Variants in SYBU observed in about 807,000 individuals in gnomAD.
SYBU encodes the protein syntabulin.
Under a neutral mutation model 35.9 loss-of-function variants are expected in SYBU, and 21 were observed. The observed-to-expected ratio is 0.58, with a 90% CI of 0.41 to 0.84. SYBU has a LOEUF of 0.84. Ranked by LOEUF, SYBU falls within the 40% of genes least tolerant of loss-of-function variation. SYBU has a pLI of 0.00. For synonymous variants in SYBU, 319 were observed against 324.3 expected (o/e 0.98, Z 0.18); for missense variants, 768 against 848.2 (o/e 0.91, Z 1.17).
At chr8:109,687,516 CA>C (rs766440188) in intron 1 of SYBU, among the ~76,000 whole-genome samples, 1 of 152,012 alleles carries the variant, frequency 6.6e-6, no homozygotes, top group Non-Finnish European at 1.5e-5. Context: ...TTCTGATTTT[CA>C]AAAGCCAGAG....
chr8:109,589,923 C>T (rs1164247847), intron 3 of SYBU, among the ~76,000 whole-genome samples: 2 of 152,016 alleles, frequency 1.3e-5, no homozygotes, highest in African/African-American at 2.4e-5. Context: ...TTAAGTAACC[C>T]CAAGCCCTCT....
At position 109,644,734 on chromosome 8, in the gene SYBU, G is replaced by C. The variant is rs1442368849; in HGVS notation, c.-75C>G. 2 of 1,389,826 alleles carry C rather than the reference G, an allele frequency of 1.4e-6. No homozygotes were observed. Among genetic ancestry groups the C allele is most frequent in the Non-Finnish European group, 9.3e-7 (1 of 1,071,314 alleles). 86.1% of individuals were successfully genotyped at this position (1,389,826 alleles called of 1,614,324 possible). Reference sequence around the variant, plus strand: ...GGAGGCACCTGCGAGCACGGAGCGAGGAGACTGCGCTGAGCCGGCGCGGGC... The same window carrying C: ...GGAGGCACCTGCGAGCACGGAGCGACGAGACTGCGCTGAGCCGGCGCGGGC... On this transcript the variant is annotated 5_prime_UTR_variant, in exon 1 of 7. Coordinates refer to ENST00000276646, the MANE Select transcript of SYBU (RefSeq NM_001099754.2).
intron 3 of SYBU, among the ~76,000 whole-genome samples, chr8:109,615,997 C>CTTTTTTTT (rs144362049): frequency 1.0e-5 from 1 of 96,048 alleles, no homozygotes; most frequent in South Asian, 4.3e-4. Context: ...CTTTTCTTTT[C>CTTTTTTTT]TTTTCTTTCT....
At chr8:109,628,487 A>T (rs1436166878) in intron 2 of SYBU, among the ~76,000 whole-genome samples, 2 of 152,032 alleles carry the variant, frequency 1.3e-5, no homozygotes, top group Non-Finnish European at 2.9e-5. Context: ...TGTGTGCCAC[A>T]ACAGCTGGCT....
intron 1 of SYBU, among the ~76,000 whole-genome samples, chr8:109,657,209 A>G (rs1386314956): frequency 6.6e-6 from 1 of 152,172 alleles, no homozygotes; most frequent in Non-Finnish European, 1.5e-5. Context: ...ACGGTAGAAA[A>G]TGTACTCATT....
chr8:109,588,382 G>A (rs1823860032), intron 3 of SYBU, among the ~76,000 whole-genome samples: 1 of 152,168 alleles, frequency 6.6e-6, no homozygotes, highest in Admixed American at 6.5e-5. Context: ...TGACTTTTAT[G>A]TATTTGCAGG....
At position 109,644,791 on chromosome 8, in the gene SYBU, GCGCCGC is replaced by G; in HGVS notation, c.-138_-133del. 1 of 907,468 alleles carries G rather than the reference GCGCCGC, an allele frequency of 1.1e-6. No individual in the cohort carries two copies. Among genetic ancestry groups the G allele is most frequent in the Non-Finnish European group, 1.5e-6 (1 of 669,306 alleles). 56.2% of individuals were successfully genotyped at this position (907,468 alleles called of 1,614,324 possible). On this transcript the variant is annotated 5_prime_UTR_variant, in exon 1 of 7. Transcript: ENST00000276646. ...CGGCGGCTCTTGGTGAGGCTCCAAC[GCGCCGC>G]CGCCGCCACTGCCGCCGATTGCTCT... is the stretch of plus-strand genomic sequence containing the variant.
chr8:109,654,401 G>A (rs142249102), intron 1 of SYBU, among the ~76,000 whole-genome samples: 17 of 152,148 alleles, frequency 1.1e-4, no homozygotes, highest in South Asian at 6.2e-4. Flanking sequence ...TGAAATACTC[G>A]CACATTTTTG....
intron 2 of SYBU, among the ~76,000 whole-genome samples, chr8:109,633,574 G>A (rs536193727): frequency 3.3e-5 from 5 of 152,154 alleles, no homozygotes; most frequent in African/African-American, 7.2e-5. Flanking sequence ...AGCAGTGGCC[G>A]GGGCACCAGG....
intron 3 of SYBU, among the ~76,000 whole-genome samples, chr8:109,600,083 A>C (rs545232157): frequency 6.6e-6 from 1 of 152,274 alleles, no homozygotes; most frequent in Non-Finnish European, 1.5e-5. Context: ...AGTATTTATC[A>C]CATTGCACTG....
At position 109,579,964 on chromosome 8, in the gene SYBU, T is replaced by C. The variant is rs1822829974; in HGVS notation, c.569A>G (p.His190Arg). ...GGATGATGGGCTGCTGCCAGGCTTGTGTGACGAAGCTCCATTACTCCGCCC... is the reference window on the plus strand; with the variant it reads ...GGATGATGGGCTGCTGCCAGGCTTGCGTGACGAAGCTCCATTACTCCGCCC... ...PHGRSNGASS[H>R]KPGSSPSSPR... The change falls in exon 5 of 7, where the codon CAC (histidine) becomes CGC (arginine). Residue 190 changes from histidine to arginine, a missense_variant. Physicochemically the swap from His to Arg is conservative, Grantham distance 29. Coordinates refer to ENST00000276646, the MANE Select transcript of SYBU (RefSeq NM_001099754.2). 1.2e-6 allele frequency: 2 copies of C among 1,613,294 alleles called. No homozygotes were observed. The highest frequency in any genetic ancestry group is 2.2e-5 in the South Asian group (2 of 91,042).
chr8:109,691,414 C>A lies in SYBU; in HGVS notation c.-139G>T. Reference sequence around the variant, plus strand: ...CCCGGGAGACCGGGCCCCGGCTGGGCCGGGTGCCGGTGCGGACGGGACCCC... The same window carrying A: ...CCCGGGAGACCGGGCCCCGGCTGGGACGGGTGCCGGTGCGGACGGGACCCC... On this transcript the variant is annotated 5_prime_UTR_variant, in exon 1 of 8. Transcript: ENST00000422135. This position sits in a 1 kb window ranked among gnomAD's most constrained non-coding sequence, Gnocchi z 4.7. The A allele has an allele frequency of 2.9e-6, 2 of 686,228 alleles. No homozygotes were observed. Among genetic ancestry groups the A allele is most frequent in the Non-Finnish European group, 5.3e-6 (2 of 378,318 alleles). The allele number at this position is 686,228 out of a possible 1,614,324, so 42.5% of individuals were successfully genotyped here.
At chr8:109,645,382 A>C (rs1243384470), upstream of SYBU, 1 of 456,028 alleles carries the variant, frequency 2.2e-6, no homozygotes, top group South Asian at 1.5e-5. Flanking sequence ...AAGGGGTTGC[A>C]TCAGAAAGGC....
In SYBU at chr8:109,576,049, A is replaced by T. The variant is rs754015225; in HGVS notation, c.885-36T>A. ...AAGACAAGCATGGTTAATTAAAAAA[A>T]AAAAAAAAAAAAAAAAAAAAACTTT... is the stretch of plus-strand genomic sequence containing the variant. On this transcript the variant is annotated intron_variant, in intron 6 of 6. Coordinates refer to ENST00000276646, the MANE Select transcript of SYBU (RefSeq NM_001099754.2). 3.9e-4 allele frequency: 549 copies of T among 1,407,966 alleles called. 1 individual carries two copies. The African/African-American group carries it at 7.7e-3, about 20-fold the overall frequency. 87.2% of individuals were successfully genotyped at this position (1,407,966 alleles called of 1,614,324 possible). A position where few individuals can be genotyped will look rare whatever the true frequency, so the allele number is the denominator to read the frequency against.
chr8:109,682,196 G>A (rs1298033863), upstream of SYBU, among the ~76,000 whole-genome samples: 1 of 152,168 alleles, frequency 6.6e-6, no homozygotes, highest in African/African-American at 2.4e-5. Context: ...TTTGGAAATT[G>A]GTAGCAGGCA....
intron 1 of SYBU, among the ~76,000 whole-genome samples, chr8:109,658,683 G>A (rs950674169): frequency 1.4e-4 from 22 of 152,204 alleles, no homozygotes; most frequent in African/African-American, 5.1e-4. Context: ...GGCCGGCATG[G>A]TGGCTCATGC....
intron 3 of SYBU, among the ~76,000 whole-genome samples, chr8:109,605,159 C>A (rs1054925862): frequency 1.4e-4 from 21 of 152,130 alleles, no homozygotes; most frequent in African/African-American, 4.3e-4. Context: ...AAGCAACTGA[C>A]GAACTGTGCA....
At chr8:109,644,605 T>C in intron 1 of SYBU, 31 bp downstream of exon 1, 2 of 1,543,044 alleles carry the variant, frequency 1.3e-6, no homozygotes, top group African/African-American at 1.4e-5. Context: ...TTCCCCGCCC[T>C]CCAGTGCCCG....
intron 1 of SYBU, among the ~76,000 whole-genome samples, chr8:109,677,826 A>G (rs983337920): frequency 6.6e-6 from 1 of 152,144 alleles, no homozygotes; most frequent in Non-Finnish European, 1.5e-5. Flanking sequence ...TAACTCAAAC[A>G]CAACTTTATT....
Sources: allele counts gnomAD v4.1 joint callset (sites outside exome capture counted in the v4.1 genomes callset), GRCh38; gene constraint gnomAD v4.1.1; non-coding constraint Gnocchi (gnomAD v3.1); transcripts MANE v1.5; gene names NCBI Gene and HGNC (gene_info 2026-07-23, HGNC 2026-07-21).